ARHGEF10: variants seen among roughly 807,000 people sequenced by gnomAD.
The protein encoded by ARHGEF10 is Rho guanine nucleotide exchange factor (GEF) 10.
ARHGEF10 carries 140 observed loss-of-function variants against 147.4 expected under a neutral mutation model. That is an observed-to-expected ratio of 0.95 (90% confidence interval 0.83 to 1.09). ARHGEF10 has a LOEUF of 1.09. ARHGEF10 is among the 50% of genes least tolerant of loss of function. The probability of loss-of-function intolerance (pLI) is 0.00; values close to 1 mark genes in which losing one functional copy is unlikely to be tolerated. For missense variants in ARHGEF10, 2,222 were observed against 1,752.7 expected (o/e 1.27, Z -4.78); for synonymous variants, 902 against 695.8 (o/e 1.30, Z -4.67).
intron 7 of ARHGEF10, among the ~76,000 whole-genome samples, chr8:1,872,791 C>T (rs1006219498): frequency 1.1e-4 from 17 of 152,086 alleles, no homozygotes; most frequent in Admixed American, 3.9e-4. Flanking sequence ...TTATTCATTC[C>T]GCAAATATGT....
chr8:1,898,740 G>C (rs1810223517), intron 15 of ARHGEF10, among the ~76,000 whole-genome samples: 1 of 152,170 alleles, frequency 6.6e-6, no homozygotes, highest in African/African-American at 2.4e-5. Context: ...TGCCTGCGAG[G>C]CCAGCCTTGG....
At chr8:1,923,199 C>G (rs1390829858) in intron 19 of ARHGEF10, 120 bp downstream of exon 19, 6 of 919,664 alleles carry the variant, frequency 6.5e-6, no homozygotes, top group Non-Finnish European at 1.0e-5. Flanking sequence ...AAAAATTAAT[C>G]TGAATGTACA....
intron 26 of ARHGEF10, among the ~76,000 whole-genome samples, chr8:1,936,936 T>G (rs1378781097): frequency 6.6e-6 from 1 of 151,856 alleles, no homozygotes; most frequent in Non-Finnish European, 1.5e-5. Context: ...CCTGGAGACG[T>G]GGGTTTGGTT....
chr8:1,938,050 C>T, intron 26 of ARHGEF10, among the ~76,000 whole-genome samples: 1 of 152,162 alleles, frequency 6.6e-6, no homozygotes, highest in Non-Finnish European at 1.5e-5. Flanking sequence ...CAGGGGGCAC[C>T]CACCTGTCTG....
chr8:1,826,182 G>T (rs1000387004), intron 1 of ARHGEF10: 16 of 1,527,786 alleles, frequency 1.0e-5, no homozygotes, highest in Non-Finnish European at 1.4e-5. Context: ...TTCATTAGTT[G>T]TAGACAGTTG....
rs1448150594 is a variant in ARHGEF10 at position 1,859,881 on chromosome 8, C to T, written c.194-16C>T. ...TTGGTGATGTGTCTGCTGACAAGTC[C>T]TTTCTGCATCCCCAGGAGGTGAGGA... is the stretch of plus-strand genomic sequence containing the variant. On this transcript the variant is annotated splice_polypyrimidine_tract_variant and intron_variant, in intron 3 of 28. Coordinates refer to ENST00000349830, the MANE Select transcript of ARHGEF10 (RefSeq NM_014629.4). 3.1e-6 allele frequency: 5 copies of T among 1,613,774 alleles called. 1 individual carries two copies. The highest frequency in any genetic ancestry group is 4.2e-6 in the Non-Finnish European group (5 of 1,180,020).
At chr8:1,879,818 G>T (rs1457586185) in intron 8 of ARHGEF10, among the ~76,000 whole-genome samples, 1 of 152,082 alleles carries the variant, frequency 6.6e-6, no homozygotes, top group Non-Finnish European at 1.5e-5. Context: ...CTCCTAAAGT[G>T]CTGGGATTAC....
intron 1 of ARHGEF10, among the ~76,000 whole-genome samples, chr8:1,832,626 A>G (rs1803221826): frequency 9.6e-6 from 1 of 104,276 alleles, no homozygotes; most frequent in African/African-American, 4.4e-5. Flanking sequence ...AGAGGCAGAG[A>G]GAGACAGAGG....
intron 28 of ARHGEF10, among the ~76,000 whole-genome samples, chr8:1,955,676 T>G (rs946130339): frequency 3.3e-4 from 50 of 151,962 alleles, no homozygotes; most frequent in Non-Finnish European, 6.2e-4. Flanking sequence ...GATGGGTAGC[T>G]AGGTGCTTCC....
chr8:1,830,796 C>G (rs1803051989), intron 1 of ARHGEF10, among the ~76,000 whole-genome samples: 1 of 152,190 alleles, frequency 6.6e-6, no homozygotes, highest in Non-Finnish European at 1.5e-5. Flanking sequence ...CACGGGGCTA[C>G]AAGGTGCGGA....
chr8:1,913,656 C>G (rs1414701182), intron 18 of ARHGEF10, among the ~76,000 whole-genome samples: 1 of 152,204 alleles, frequency 6.6e-6, no homozygotes, highest in Non-Finnish European at 1.5e-5. Flanking sequence ...AGAAGGGGCC[C>G]TGCAGCTTCC....
At chr8:1,896,543 G>C (rs1809990289) in intron 14 of ARHGEF10, 94 bp downstream of exon 14, 1 of 914,038 alleles carries the variant, frequency 1.1e-6, no homozygotes, top group African/African-American at 1.6e-5. Flanking sequence ...TCGTTATTAA[G>C]ATTTCAGTAT....
chr8:1,939,197 G>A (rs939508899), intron 26 of ARHGEF10, among the ~76,000 whole-genome samples: 19 of 152,248 alleles, frequency 1.2e-4, no homozygotes, highest in Admixed American at 1.2e-3. Flanking sequence ...GGCAAACGGA[G>A]ACTTAGAGAT....
intron 7 of ARHGEF10, among the ~76,000 whole-genome samples, chr8:1,873,949 C>T (rs1410741931): frequency 6.6e-6 from 1 of 152,144 alleles, no homozygotes; most frequent in Non-Finnish European, 1.5e-5. Context: ...GGTACGCTCA[C>T]TGTACAGCCA....
At chr8:1,893,157 A>G (rs1392290673) in intron 11 of ARHGEF10, among the ~76,000 whole-genome samples, 1 of 151,728 alleles carries the variant, frequency 6.6e-6, no homozygotes, top group Non-Finnish European at 1.5e-5. Flanking sequence ...GAACTTTGGA[A>G]TAAATATTTT....
intron 1 of ARHGEF10, among the ~76,000 whole-genome samples, chr8:1,841,217 C>G (rs542650479): frequency 6.6e-6 from 1 of 152,130 alleles, no homozygotes; most frequent in African/African-American, 2.4e-5. Context: ...GTACCTACGT[C>G]TTGGAGTTGC....
chr8:1,907,323 G>A (rs1024254085), intron 17 of ARHGEF10, among the ~76,000 whole-genome samples: 5 of 152,186 alleles, frequency 3.3e-5, no homozygotes, highest in African/African-American at 1.2e-4. Context: ...TGGCCCCACT[G>A]TGGCTGAATC....
chr8:1,930,058 C>T (rs185613251), intron 25 of ARHGEF10, among the ~76,000 whole-genome samples: 1 of 152,268 alleles, frequency 6.6e-6, no homozygotes, highest in East Asian at 1.9e-4. Flanking sequence ...GCCGCCGCTG[C>T]TTGTGGGAGC....
rs372744868 is a variant in ARHGEF10 at position 1,938,769 on chromosome 8, C to G, written c.3222+4827C>G. Among the ~76,000 whole-genome samples the G allele has an allele frequency of 2.7e-3, 405 of 152,232 alleles. 5 individuals carry two copies. In the South Asian group the frequency reaches 0.028, roughly 10 times the overall value. On this transcript the variant is annotated intron_variant, in intron 26 of 28. Coordinates refer to ENST00000349830, the MANE Select transcript of ARHGEF10 (RefSeq NM_014629.4). ...TGGGCAGCATAGCGAGACCCTATAT[C>G]TAAACACAGAAAATAAAACAACAGG...
Sources: gnomAD v4.1 joint callset for allele counts (sites outside exome capture counted in the v4.1 genomes callset) on GRCh38, gnomAD v4.1.1 for gene constraint, MANE v1.5 for transcripts, NCBI Gene and HGNC (gene_info 2026-07-23, HGNC 2026-07-21) for gene names.